NFE2L3: variants seen among roughly 807,000 people sequenced by gnomAD.
NFE2L3 encodes nuclear factor erythroid 2-related factor 3.
NFE2L3 carries 18 observed loss-of-function variants against 23.5 expected under a neutral mutation model. The observed-to-expected ratio is 0.77, with a 90% CI of 0.53 to 1.13. The LOEUF (loss-of-function observed/expected upper bound fraction) is 1.13, where lower values mean the gene tolerates loss of function less well. NFE2L3 is among the 50% of genes most tolerant of loss of function. The pLI is 0.00. For synonymous variants in NFE2L3, 424 were observed against 354.5 expected, an observed-to-expected ratio of 1.20 and a Z score of -2.20; for missense variants, 1,152 against 877.2, an observed-to-expected ratio of 1.31 and a Z score of -3.96.
chr7:26,183,975 A>G (rs919774082), intron 3 of NFE2L3, 191 bp downstream of exon 3: 1 of 535,020 alleles, frequency 1.9e-6, no homozygotes, highest in Non-Finnish European at 3.3e-6. Flanking sequence ...AGGTATAATC[A>G]AATTTAGACT....
chr7:26,178,092 G>A lies in NFE2L3; in HGVS notation c.720G>A (p.Glu240=), dbSNP rs772302866. The change falls in exon 2 of 4, where the codon GAG becomes GAA. Residue 240 remains glutamate (E), a synonymous_variant. Transcript: ENST00000056233. ...ENKIAEKPDW[E]AEKTTESRNE... ...AAATAGCAGAGAAACCTGACTGGGAGGCAGAAAAGACCACTGAATCTAGAA... is the reference window on the plus strand; with the variant it reads ...AAATAGCAGAGAAACCTGACTGGGAAGCAGAAAAGACCACTGAATCTAGAA... 20 of 1,613,732 alleles carry A rather than the reference G, an allele frequency of 1.2e-5. No homozygotes were observed. Among genetic ancestry groups the A allele is most frequent in the Non-Finnish European group, 1.4e-5 (17 of 1,179,914 alleles).
Position 26,184,542 on chromosome 7 carries a change from T to A in NFE2L3, c.844T>A (p.Leu282Met). ...QPENSLEGIS[L>M]GDIPLPGSIS... Reference sequence around the variant, plus strand: ...CTCCTTCGTTTTTCAGGGCATCTCATTGGGAGATATTCCTCTTCCAGGCAG... The same window carrying A: ...CTCCTTCGTTTTTCAGGGCATCTCAATGGGAGATATTCCTCTTCCAGGCAG... The change falls in exon 4 of 4, where the codon TTG becomes ATG. Residue 282 changes from leucine to methionine, a missense_variant. By Grantham distance (15) the Leu-to-Met change is conservative (BLOSUM62 2). Transcript: ENST00000056233. The A allele has an allele frequency of 6.2e-7, 1 of 1,610,130 alleles. No individual in the cohort carries two copies. The highest frequency in any genetic ancestry group is 8.5e-7 in the Non-Finnish European group (1 of 1,177,464).
At chr7:26,182,206 A>AT (rs1318581491) in intron 2 of NFE2L3, among the ~76,000 whole-genome samples, 2 of 152,236 alleles carry the variant, frequency 1.3e-5, no homozygotes, top group Admixed American at 1.3e-4. Flanking sequence ...GAAAAGTTTC[A>AT]TTATAAATAA....
chr7:26,184,744 C>G lies in NFE2L3; in HGVS notation c.1046C>G (p.Thr349Ser), dbSNP rs773624474. The change falls in exon 4 of 4, where the codon ACC becomes AGC. Residue 349 changes from threonine to serine, a missense_variant. Coordinates refer to ENST00000056233, the MANE Select transcript of NFE2L3 (RefSeq NM_004289.7). ...CCATTTCTGCAGTTAAATTCTCATA[C>G]CACCAATCCTGAGCAAACCCTTCCT... The part of the protein sequence containing the change: ...QEPFLQLNSH[T>S]TNPEQTLPGT... 1 of 1,613,920 alleles carries G rather than the reference C, an allele frequency of 6.2e-7. No homozygotes were observed. The highest frequency in any genetic ancestry group is 1.1e-5 in the South Asian group (1 of 91,050).
At chr7:26,169,130 C>G (rs1784297933) in intron 1 of NFE2L3, among the ~76,000 whole-genome samples, 1 of 152,144 alleles carries the variant, frequency 6.6e-6, no homozygotes, top group Middle Eastern at 3.2e-3. Context: ...GCCTTTTTTA[C>G]TTTGTAAATA....
rs1170802554 is a variant in NFE2L3, at chr7:26,152,679, C to T, written c.181C>T (p.Pro61Ser). 3.4e-6 allele frequency: 5 copies of T among 1,485,336 alleles called. No homozygotes were observed. The highest frequency in any genetic ancestry group is 4.4e-6 in the Non-Finnish European group (5 of 1,124,816). 92.0% of individuals were successfully genotyped at this position (1,485,336 alleles called of 1,614,324 possible). A position where few individuals can be genotyped will look rare whatever the true frequency, so the allele number is the denominator to read the frequency against. ...GPASSAYALS[P>S]FSASGGWGRA... ...GGCCAGCTCCGCCTACGCGCTCAGC[C>T]CCTTCTCGGCCTCGGGAGGGTGGGG... Residue 61 changes from proline (P) to serine (S), a missense_variant, in exon 1 of 4, where the codon CCC (proline) becomes TCC (serine). Transcript: ENST00000056233. The surrounding 1 kb of genome is among the most constrained non-coding windows in gnomAD (Gnocchi z 4.4).
chr7:26,165,740 ATGCTTCCAGT>A (rs1049208051), intron 1 of NFE2L3, among the ~76,000 whole-genome samples: 10 of 152,134 alleles, frequency 6.6e-5, no homozygotes, highest in Admixed American at 1.3e-4. Flanking sequence ...TTCAAAGGGA[ATGCTTCCAGT>A]TTTTGCCCAT....
rs1170986825 is a variant in NFE2L3 at position 26,183,750 on chromosome 7, A to G, written c.800A>G (p.Gln267Arg). The change falls in exon 3 of 4, where the codon CAG becomes CGG. Residue 267 changes from glutamine to arginine, a missense_variant. By Grantham distance (43) the Gln-to-Arg change is conservative. Coordinates refer to ENST00000056233, the MANE Select transcript of NFE2L3 (RefSeq NM_004289.7). The part of the protein sequence containing the change: ...DTSFSLEDLF[Q>R]LLSSQPENSL... ...TCTTTCTCTCTGGAAGACTTATTCCAGTTGCTTTCATCACAGCCTGAAAAT... is the reference window on the plus strand; with the variant it reads ...TCTTTCTCTCTGGAAGACTTATTCCGGTTGCTTTCATCACAGCCTGAAAAT... 1.2e-6 allele frequency: 2 copies of G among 1,612,876 alleles called. No homozygotes were observed. Among genetic ancestry groups the G allele is most frequent in the African/African-American group, 2.7e-5 (2 of 74,932 alleles).
In NFE2L3 at chr7:26,185,436, C is replaced by G. The variant is rs368901225; in HGVS notation, c.1738C>G (p.Arg580Gly). Reference protein sequence around the residue: ...YLTDLQVSLIRDIRRRGKNKV... With the variant: ...YLTDLQVSLIGDIRRRGKNKV... ...GACAGACCTACAAGTCTCACTTATC[C>G]GTGACATCAGACGAAGAGGGAAAAA... The change falls in exon 4 of 4, where the codon CGT becomes GGT. Residue 580 changes from arginine (R) to glycine (G), a missense_variant. Physicochemically the swap from Arg to Gly is moderately radical, Grantham distance 125. Transcript: ENST00000056233. 2 of 1,613,926 alleles carry G rather than the reference C, an allele frequency of 1.2e-6. No homozygotes were observed. The highest frequency in any genetic ancestry group is 2.7e-5 in the African/African-American group (2 of 74,896).
chr7:26,157,894 T>G (rs573525987), intron 1 of NFE2L3, among the ~76,000 whole-genome samples: 1 of 152,332 alleles, frequency 6.6e-6, no homozygotes, highest in South Asian at 2.1e-4. Context: ...GTTCTACAGC[T>G]CTCTCCTGCC....
At chr7:26,161,335 C>CTTTTTTTT (rs914055111) in intron 1 of NFE2L3, among the ~76,000 whole-genome samples, 2 of 69,562 alleles carry the variant, frequency 2.9e-5, no homozygotes, top group African/African-American at 5.2e-5. Context: ...GCTTCTCTCT[C>CTTTTTTTT]TTTTTTTTTT....
In NFE2L3 at chr7:26,152,799, C is replaced by T. The variant is rs1003776374; in HGVS notation, c.301C>T (p.Pro101Ser). ...CCGGGAGGTGCGCGCGCTCGGGGTC[C>T]CCTTCGTCCCTCGCACCAGCGTGGA... is the stretch of plus-strand genomic sequence containing the variant. The part of the protein sequence containing the change: ...LLREVRALGV[P>S]FVPRTSVDAW... Residue 101 changes from proline (P) to serine (S), a missense_variant, in exon 1 of 4, where the codon CCC (proline) becomes TCC (serine). Transcript: ENST00000056233. This position sits in a 1 kb window ranked among gnomAD's most constrained non-coding sequence, Gnocchi z 4.4. 5 of 1,486,310 alleles carry T rather than the reference C, an allele frequency of 3.4e-6. No individual in the cohort carries two copies. In the African/African-American group the frequency reaches 4.4e-5, roughly 13 times the overall value. 92.1% of individuals were successfully genotyped at this position (1,486,310 alleles called of 1,614,324 possible).
At position 26,175,357 on chromosome 7, in the gene NFE2L3, A is replaced by AAAAT. The variant is rs1279440312; in HGVS notation, c.571-2574_571-2571dup. On this transcript the variant is annotated intron_variant, in intron 1 of 3. Coordinates refer to ENST00000056233, the MANE Select transcript of NFE2L3 (RefSeq NM_004289.7). Reference sequence around the variant, plus strand: ...CCTGGGCGACAGAGTGAGACTCAAAAAAATAAATAAATAAAGCAATATGTG... The same window carrying AAAAT: ...CCTGGGCGACAGAGTGAGACTCAAAAAAATAAATAAATAAATAAAGCAATATGTG... 9.2e-5 allele frequency among the ~76,000 whole-genome samples: 14 copies of AAAAT among 151,794 alleles called. No homozygotes were observed. The East Asian group carries it at 2.6e-3, about 28-fold the overall frequency.
At position 26,186,274 on chromosome 7, in the gene NFE2L3, TTTTGTATTTGTATTAAAAATTAAC is replaced by T. The variant is rs1782485471; in HGVS notation, c.*495_*518del. ...AAATTTTGCTTTCTATGGAAATAAATTTTGTATTTGTATTAAAAATTAACTTTTCCCTTTTATACAGAATCTGAA... is the reference window on the plus strand; with the variant it reads ...AAATTTTGCTTTCTATGGAAATAAATTTTTCCCTTTTATACAGAATCTGAA... On this transcript the variant is annotated 3_prime_UTR_variant, in exon 4 of 4. Transcript: ENST00000056233. The T allele has an allele frequency of 6.6e-6, 1 of 152,346 alleles. No individual in the cohort carries two copies. Among genetic ancestry groups the T allele is most frequent in the Admixed American group, 6.5e-5 (1 of 15,276 alleles). The allele number at this position is 152,346 out of a possible 1,614,324, so 9.4% of individuals were successfully genotyped here.
At position 26,185,876 on chromosome 7, in the gene NFE2L3, G is replaced by C. The variant is rs1010317231; in HGVS notation, c.*93G>C. 1.9e-5 allele frequency: 19 copies of C among 1,004,640 alleles called. No homozygotes were observed. The highest frequency in any genetic ancestry group is 6.3e-5 in the Admixed American group (2 of 31,916). 62.2% of individuals were successfully genotyped at this position (1,004,640 alleles called of 1,614,324 possible). A position where few individuals can be genotyped will look rare whatever the true frequency, so the allele number is the denominator to read the frequency against. On this transcript the variant is annotated 3_prime_UTR_variant, in exon 4 of 4. Transcript: ENST00000056233. Reference sequence around the variant, plus strand: ...AACCATTGAAACTGCTTCAAGAATTGTATCTTTAAGTACTGCTACTTGAAT... The same window carrying C: ...AACCATTGAAACTGCTTCAAGAATTCTATCTTTAAGTACTGCTACTTGAAT...
chr7:26,170,915 C>G (rs1260909005), intron 1 of NFE2L3, among the ~76,000 whole-genome samples: 1 of 152,058 alleles, frequency 6.6e-6, no homozygotes, highest in Non-Finnish European at 1.5e-5. Context: ...AAACATTAGC[C>G]AGGCATGGTG....
intron 1 of NFE2L3, among the ~76,000 whole-genome samples, chr7:26,154,878 C>T (rs1186734166): frequency 6.6e-6 from 1 of 152,210 alleles, no homozygotes; most frequent in Non-Finnish European, 1.5e-5. Context: ...TTTTTTGAGC[C>T]TAGGCCAGCC....
chr7:26,178,211 A>G, intron 2 of NFE2L3, 89 bp downstream of exon 2: 2 of 1,072,100 alleles, frequency 1.9e-6, no homozygotes, highest in Non-Finnish European at 2.7e-6. Flanking sequence ...ATGAGCATGT[A>G]AAACAGTATG....
rs780814862 is a variant in NFE2L3 at position 26,184,716 on chromosome 7, G to A, written c.1018G>A (p.Glu340Lys). 7 of 1,613,636 alleles carry A rather than the reference G, an allele frequency of 4.3e-6. No homozygotes were observed. The highest frequency in any genetic ancestry group is 5.9e-6 in the Non-Finnish European group (7 of 1,179,742). ...DPTARTSQSQEPFLQLNSHTT... is the reference protein window; with the variant it reads ...DPTARTSQSQKPFLQLNSHTT... ...AACAGCAAGGACTTCACAGTCACAA[G>A]AACCATTTCTGCAGTTAAATTCTCA... is the stretch of plus-strand genomic sequence containing the variant. Residue 340 changes from glutamate to lysine, a missense_variant, in exon 4 of 4, where the codon GAA (glutamate) becomes AAA (lysine). Physicochemically the swap from Glu to Lys is moderately conservative, Grantham distance 56. Transcript: ENST00000056233.
Sources: allele counts gnomAD v4.1 joint callset (sites outside exome capture counted in the v4.1 genomes callset), GRCh38; gene constraint gnomAD v4.1.1; non-coding constraint Gnocchi (gnomAD v3.1); transcripts MANE v1.5; gene names NCBI Gene and HGNC (gene_info 2026-07-23, HGNC 2026-07-21).